The following SLC6A16 variants were observed in gnomAD, a reference collection of about 807,000 sequenced individuals.
SLC6A16 encodes the protein orphan sodium- and chloride-dependent neurotransmitter transporter NTT5.
SLC6A16 carries 54 observed loss-of-function variants against 65.4 expected under a neutral mutation model. The observed-to-expected ratio is 0.83, with a 90% CI of 0.66 to 1.04. SLC6A16 has a LOEUF of 1.04. Among genes scored for constraint, SLC6A16 ranks in the 50% least tolerant of loss-of-function variants. The probability of loss-of-function intolerance (pLI) is 0.00; values close to 1 mark genes in which losing one functional copy is unlikely to be tolerated. For synonymous variants in SLC6A16, 330 were observed against 346.5 expected, an observed-to-expected ratio of 0.95 and a Z score of 0.53; for missense variants, 816 against 914.0, an observed-to-expected ratio of 0.89 and a Z score of 1.38.
chr19:49,333,329 C>T, the SLC6A16 span, among the ~76,000 whole-genome samples: 2 of 151,938 alleles, frequency 1.3e-5, no homozygotes, highest in South Asian at 2.1e-4. Flanking sequence ...AAAAATTAGC[C>T]GGGCGTAGTG....
intron 7 of SLC6A16, among the ~76,000 whole-genome samples, chr19:49,302,508 C>T (rs1057403087): frequency 6.6e-6 from 1 of 152,182 alleles, no homozygotes; most frequent in Non-Finnish European, 1.5e-5. Context: ...GAGCACCACT[C>T]TTCTCCCCAA....
chr19:49,313,219 T>G (rs567933236), intron 1 of SLC6A16, among the ~76,000 whole-genome samples: 1 of 152,262 alleles, frequency 6.6e-6, no homozygotes, highest in African/African-American at 2.4e-5. Context: ...TGGAATGCAG[T>G]GGCATGATCC....
At chr19:49,331,808 T>G in the SLC6A16 span, 1 of 457,242 alleles carries the variant, frequency 2.2e-6, no homozygotes, top group Non-Finnish European at 4.4e-6. Flanking sequence ...CAAGGAGACC[T>G]GGGAAATGAA....
At chr19:49,338,087 A>G in the SLC6A16 span, 3 of 1,589,500 alleles carry the variant, frequency 1.9e-6, no homozygotes, top group Non-Finnish European at 2.6e-6. This position sits in a 1 kb window ranked among gnomAD's most constrained non-coding sequence, Gnocchi z 5.0. Flanking sequence ...CTGTGCTTGG[A>G]GGAGACTCCA....
intron 10 of SLC6A16, among the ~76,000 whole-genome samples, chr19:49,291,522 T>C (rs1367282260): frequency 1.3e-5 from 2 of 152,156 alleles, no homozygotes; most frequent in African/African-American, 4.8e-5. Context: ...AAATGTTTGT[T>C]GGGTGAGTTA....
intron 7 of SLC6A16, among the ~76,000 whole-genome samples, chr19:49,304,594 C>T (rs1220020564): frequency 1.3e-5 from 2 of 151,950 alleles, no homozygotes; most frequent in South Asian, 2.1e-4. Flanking sequence ...GGAGAAACCC[C>T]GTCTCTACTA....
chr19:49,335,310 C>T, the SLC6A16 span: 18 of 568,458 alleles, frequency 3.2e-5, no homozygotes, highest in African/African-American at 3.0e-4. This position sits in a 1 kb window ranked among gnomAD's most constrained non-coding sequence, Gnocchi z 4.6. Context: ...GAGCATGTGT[C>T]CCAGTGGAGC....
Position 49,290,041 on chromosome 19 carries a change from A to T in SLC6A16, c.*82T>A, listed in dbSNP as rs1970043055. ...TAAAAGTGGTTCTGGATCCAGGGAG[A>T]TCAACAGTTGCAAGCTGATATTAAG... On this transcript the variant is annotated 3_prime_UTR_variant, in exon 12 of 12. Transcript: ENST00000335875. The T allele has an allele frequency of 7.0e-7, 1 of 1,418,966 alleles. No individual in the cohort carries two copies. The highest frequency in any genetic ancestry group is 1.9e-5 in the Admixed American group (1 of 51,884). The allele number at this position is 1,418,966 out of a possible 1,614,324, so 87.9% of individuals were successfully genotyped here. A position where few individuals can be genotyped will look rare whatever the true frequency, so the allele number is the denominator to read the frequency against.
chr19:49,339,770 ACGG>A, the SLC6A16 span: 2 of 1,373,240 alleles, frequency 1.5e-6, no homozygotes, highest in Non-Finnish European at 1.9e-6. The surrounding 1 kb of genome is among the most constrained non-coding windows in gnomAD (Gnocchi z 4.5). Context: ...CTGATCGCTG[ACGG>A]CGGCGGCGGG....
Position 49,309,398 on chromosome 19 carries a change from A to G in SLC6A16, c.890T>C (p.Leu297Ser). ...AATGATGAAACAGGGGAGCAGTACC[A>G]AGACATAGATTACCTGAATCGAGAG... ...LKSTGKVIYV[L>S]VLLPCFIIVG... The change falls in exon 6 of 12, where the codon TTG becomes TCG. Residue 297 changes from leucine to serine, a missense_variant. Coordinates refer to ENST00000335875, the MANE Select transcript of SLC6A16 (RefSeq NM_014037.3). The G allele has an allele frequency of 1.2e-6, 2 of 1,613,484 alleles. No individual in the cohort carries two copies. The highest frequency in any genetic ancestry group is 2.2e-5 in the South Asian group (2 of 91,072).
At chr19:49,338,745 C>T in the SLC6A16 span, 1 of 1,613,378 alleles carries the variant, frequency 6.2e-7, no homozygotes, top group East Asian at 2.2e-5. This position sits in a 1 kb window ranked among gnomAD's most constrained non-coding sequence, Gnocchi z 5.0. Context: ...GTTCCAAGTC[C>T]TCATCCTGAG....
At chr19:49,307,735 AAAAAG>A (rs1328336054) in intron 7 of SLC6A16, among the ~76,000 whole-genome samples, 1,594 of 116,126 alleles carry the variant, frequency 0.014, 34 homozygotes, top group African/African-American at 0.044. Flanking sequence ...AAAAAAAAAG[AAAAAG>A]AAAAAAAAGA....
At chr19:49,335,758 T>C in the SLC6A16 span, 1,249,030 of 1,613,254 alleles carry the variant, frequency 0.77, 485,970 homozygotes, top group African/African-American at 0.93. This position sits in a 1 kb window ranked among gnomAD's most constrained non-coding sequence, Gnocchi z 4.6. Flanking sequence ...GGATCCTCAT[T>C]GACAAGACCA....
In SLC6A16 at chr19:49,310,404, T is replaced by G; in HGVS notation, c.522A>C (p.Val174=). The G allele has an allele frequency of 6.2e-7, 1 of 1,614,032 alleles. No homozygotes were observed. Among genetic ancestry groups the G allele is most frequent in the Non-Finnish European group, 8.5e-7 (1 of 1,179,998 alleles). Residue 174 remains valine, a synonymous_variant, in exon 3 of 12, where the codon GTA becomes GTC. Coordinates refer to ENST00000335875, the MANE Select transcript of SLC6A16 (RefSeq NM_014037.3). ...CAATCCAGGGGGCAATGATCTTCCA[T>G]ACACCCATGCCACCCTGACGCATGC... The part of the protein sequence containing the change: ...GQSMRQGGMG[V]WKIIAPWIGG...
chr19:49,294,023 G>T lies in SLC6A16; in HGVS notation c.1422C>A (p.Ser474Arg). 6.2e-7 allele frequency: 1 copy of T among 1,610,424 alleles called. No individual in the cohort carries two copies. ...ACAGGAATGCAAACTTTGGGCCCTC[G>T]CTAGCCTGCAAAGAGAACAAAGAGG... is the stretch of plus-strand genomic sequence containing the variant. ...CNIETQFLKA[S>R]EGPKFAFLSF... The change falls in exon 9 of 12, where the codon AGC (serine) becomes AGA (arginine). Residue 474 changes from serine to arginine, a missense_variant. Transcript: ENST00000335875.
At chr19:49,334,478 A>G in the SLC6A16 span, among the ~76,000 whole-genome samples, 2 of 151,784 alleles carry the variant, frequency 1.3e-5, no homozygotes, top group Non-Finnish European at 2.9e-5. Context: ...CCCTGTCTCA[A>G]AAACAAAAAC....
At chr19:49,338,954 G>A in the SLC6A16 span, 2 of 1,593,398 alleles carry the variant, frequency 1.3e-6, no homozygotes, top group Admixed American at 3.3e-5. This position sits in a 1 kb window ranked among gnomAD's most constrained non-coding sequence, Gnocchi z 5.0. Flanking sequence ...GGGGTTCGGA[G>A]CATAAACCTG....
At chr19:49,315,014 T>C (rs1435763004) in intron 1 of SLC6A16, among the ~76,000 whole-genome samples, 1 of 150,520 alleles carries the variant, frequency 6.6e-6, no homozygotes, top group Non-Finnish European at 1.5e-5. Flanking sequence ...TCTCCAAACT[T>C]ACCCACAATC....
intron 1 of SLC6A16, chr19:49,312,613 A>G (rs1186023503): frequency 3.6e-5 from 27 of 745,146 alleles, no homozygotes; most frequent in East Asian, 1.3e-4. Flanking sequence ...GAGTGTGCTG[A>G]AAAAAAAAAA....
Sources: gnomAD v4.1 joint callset for allele counts (sites outside exome capture counted in the v4.1 genomes callset) on GRCh38, gnomAD v4.1.1 for gene constraint, Gnocchi (gnomAD v3.1) non-coding constraint, MANE v1.5 for transcripts, NCBI Gene and HGNC (gene_info 2026-07-23, HGNC 2026-07-21) for gene names.